HIVEP3: variants seen among roughly 807,000 people sequenced by gnomAD.
The protein encoded by HIVEP3 is transcription factor HIVEP3.
A neutral mutation model predicts 152.8 loss-of-function variants in HIVEP3; 49 were observed. That is an observed-to-expected ratio of 0.32 (90% CI 0.26 to 0.41). The LOEUF (loss-of-function observed/expected upper bound fraction) is 0.41. Ranked by LOEUF, HIVEP3 falls within the 10% of genes least tolerant of loss-of-function variation. The pLI, the probability that HIVEP3 is intolerant of heterozygous loss-of-function variation, is 1.00. For missense variants in HIVEP3, 2,790 were observed against 3,103.3 expected, an observed-to-expected ratio of 0.90 and a Z score of 2.40; for synonymous variants, 1,269 against 1,289.0, an observed-to-expected ratio of 0.98 and a Z score of 0.33.
intron 5 of HIVEP3, 137 bp downstream of exon 5, chr1:41,575,407 C>A: frequency 1.2e-6 from 1 of 849,714 alleles, no homozygotes; most frequent in Non-Finnish European, 1.9e-6. Flanking sequence ...GTGATGTCTG[C>A]TGAAAGGCAT....
chr1:41,798,030 T>G (rs1650082845), intron 1 of HIVEP3, among the ~76,000 whole-genome samples: 1 of 151,690 alleles, frequency 6.6e-6, no homozygotes, highest in South Asian at 2.1e-4. Context: ...CTCAGCAAAC[T>G]ATTACAGGAC....
chr1:41,888,865 C>A (rs1644397560), intron 1 of HIVEP3, among the ~76,000 whole-genome samples: 1 of 147,964 alleles, frequency 6.8e-6, no homozygotes, highest in African/African-American at 2.5e-5. Context: ...ATACCTCACA[C>A]ACACACCACA....
intron 5 of HIVEP3, among the ~76,000 whole-genome samples, chr1:41,566,165 G>A (rs1447589301): frequency 6.6e-6 from 1 of 152,164 alleles, no homozygotes; most frequent in Non-Finnish European, 1.5e-5. Flanking sequence ...GAGTCTAAGT[G>A]ATTTTCTGGG....
At position 41,580,410 on chromosome 1, in the gene HIVEP3, T is replaced by G; in HGVS notation, c.4388A>C (p.Glu1463Ala). The stretch of plus-strand genomic sequence containing the variant: ...GACCACACTGCATGGTTTTACCAGC[T>G]CAAGTTTTTCATCTGCCTTGGAAGC... The part of the protein sequence containing the change: ...EEASKADEKL[E>A]LVKPCSVVLT... Residue 1463 changes from glutamate (E) to alanine (A), a missense_variant, in exon 4 of 9, where the codon GAG becomes GCG. By Grantham distance (107) the Glu-to-Ala change is moderately radical. Transcript: ENST00000372583. 1 of 1,614,198 alleles carries G rather than the reference T, an allele frequency of 6.2e-7. No homozygotes were observed.
intron 1 of HIVEP3, among the ~76,000 whole-genome samples, chr1:42,007,257 T>C (rs1350584180): frequency 6.6e-6 from 1 of 152,216 alleles, no homozygotes; most frequent in African/African-American, 2.4e-5. Context: ...GAGGTAGGGA[T>C]GTGAATACCC....
chr1:41,904,783 T>C (rs1644683793), intron 1 of HIVEP3, among the ~76,000 whole-genome samples: 1 of 152,246 alleles, frequency 6.6e-6, no homozygotes, highest in South Asian at 2.1e-4. Context: ...ACCCAGGAAG[T>C]GCTTCTCTGG....
chr1:41,698,952 G>A (rs758684669), intron 2 of HIVEP3, among the ~76,000 whole-genome samples: 13 of 152,316 alleles, frequency 8.5e-5, no homozygotes, highest in Middle Eastern at 3.4e-3. Flanking sequence ...GCCAGGATCA[G>A]AGGGGTGTCA....
At chr1:41,779,491 TTTTTC>T (rs910747686) in intron 1 of HIVEP3, among the ~76,000 whole-genome samples, 106 of 152,352 alleles carry the variant, frequency 7.0e-4, no homozygotes, top group African/African-American at 2.5e-3. Flanking sequence ...AAGCCCCTTC[TTTTTC>T]TTTTCTTTTC....
intron 1 of HIVEP3, among the ~76,000 whole-genome samples, chr1:41,719,071 T>A (rs1304567071): frequency 6.6e-6 from 1 of 152,182 alleles, no homozygotes; most frequent in Non-Finnish European, 1.5e-5. Flanking sequence ...AAAGGCCAGA[T>A]AGCTAAAATT....
At chr1:41,565,551 CACACAGAG>C (rs1444141223) in intron 5 of HIVEP3, among the ~76,000 whole-genome samples, 1 of 134,162 alleles carries the variant, frequency 7.5e-6, no homozygotes, top group East Asian at 2.6e-4. Flanking sequence ...CACACACACA[CACACAGAG>C]AGAGAGAGAG....
rs1157340534 is a variant in HIVEP3, at chr1:41,940,277, TTA to T, written n.120-21755_120-21754del. Among the ~76,000 whole-genome samples, 26 of 152,316 alleles carry T rather than the reference TTA, an allele frequency of 1.7e-4. 1 individual carries two copies. The Middle Eastern group carries it at 0.017, about 100-fold the overall frequency. On this transcript the variant is annotated intron_variant and non_coding_transcript_variant, in intron 1 of 3. Transcript: ENST00000489103. ...CCTAAATGATGAGTGAGTCATTAAGTTATTTGTCATATCAGAAATCTACAGAT... is the reference window on the plus strand; with the variant it reads ...CCTAAATGATGAGTGAGTCATTAAGTTTTGTCATATCAGAAATCTACAGAT...
intron 2 of HIVEP3, among the ~76,000 whole-genome samples, chr1:41,649,669 G>A (rs1190102442): frequency 1.3e-5 from 2 of 152,190 alleles, no homozygotes; most frequent in Non-Finnish European, 2.9e-5. Context: ...TAGATGGGGA[G>A]AGACCTGGCT....
intron 5 of HIVEP3, among the ~76,000 whole-genome samples, chr1:41,552,522 C>T (rs978551853): frequency 1.4e-5 from 2 of 147,496 alleles, no homozygotes; most frequent in African/African-American, 5.0e-5. Flanking sequence ...CCAATTTCAT[C>T]CATGTCCCTA....
chr1:41,911,343 T>C (rs1644793016), intron 1 of HIVEP3, among the ~76,000 whole-genome samples: 1 of 152,240 alleles, frequency 6.6e-6, no homozygotes, highest in African/African-American at 2.4e-5. Context: ...CAAAAGTTTT[T>C]GACAATATCC....
chr1:41,513,416 G>T lies in HIVEP3; in HGVS notation c.5805C>A (p.Ser1935Arg). 1 of 1,612,288 alleles carries T rather than the reference G, an allele frequency of 6.2e-7. No homozygotes were observed. Among genetic ancestry groups the T allele is most frequent in the Non-Finnish European group, 8.5e-7 (1 of 1,179,560 alleles). Reference sequence around the variant, plus strand: ...GTCCCAGCCAGGGGAGGCCCGGCATGCTCTGGCTGGACATGGAGCAGCTGC... The same window carrying T: ...GTCCCAGCCAGGGGAGGCCCGGCATTCTCTGGCTGGACATGGAGCAGCTGC... Reference protein sequence around the residue: ...TASSCSMSSQSMPGLPWLGPA... With the variant: ...TASSCSMSSQRMPGLPWLGPA... The change falls in exon 8 of 9, where the codon AGC becomes AGA. Residue 1935 changes from serine to arginine, a missense_variant. Physicochemically the swap from Ser to Arg is moderately radical, Grantham distance 110 (BLOSUM62 -1). Transcript: ENST00000372583.
intron 1 of HIVEP3, among the ~76,000 whole-genome samples, chr1:41,753,466 A>G (rs1647198518): frequency 1.3e-5 from 2 of 152,044 alleles, no homozygotes; most frequent in African/African-American, 4.8e-5. Flanking sequence ...TCAGGAGTTC[A>G]AGACCAGCCT....
At position 41,533,652 on chromosome 1, in the gene HIVEP3, C is replaced by A. The variant is rs774720090; in HGVS notation, c.5208-8742G>T. 5.3e-5 allele frequency among the ~76,000 whole-genome samples: 8 copies of A among 151,884 alleles called. No homozygotes were observed. The highest frequency in any genetic ancestry group is 5.9e-5 in the Non-Finnish European group (4 of 67,998). On this transcript the variant is annotated intron_variant, in intron 5 of 8. Transcript: ENST00000372583. The surrounding 1 kb of genome is among the most constrained non-coding windows in gnomAD (Gnocchi z 4.3). ...TGGCCTTCTGGAGGCACCTCATTCC[C>A]TCCTGCTTGTGTCTCCTTTGCAAGC...
intron 7 of HIVEP3, among the ~76,000 whole-genome samples, chr1:41,516,446 T>C (rs2149048545): frequency 6.6e-6 from 1 of 152,348 alleles, no homozygotes; most frequent in East Asian, 1.9e-4. Context: ...TCTTGGGCCG[T>C]AATCCTTGGA....
At chr1:41,699,783 T>C (rs1193589412) in intron 2 of HIVEP3, among the ~76,000 whole-genome samples, 1 of 152,068 alleles carries the variant, frequency 6.6e-6, no homozygotes, top group Admixed American at 6.5e-5. Context: ...CCTCCTCTCA[T>C]CTCGGCCTCC....
Sources: allele counts gnomAD v4.1 joint callset (sites outside exome capture counted in the v4.1 genomes callset), GRCh38; gene constraint gnomAD v4.1.1; non-coding constraint Gnocchi (gnomAD v3.1); transcripts MANE v1.5; gene names NCBI Gene and HGNC (gene_info 2026-07-23, HGNC 2026-07-21).